Variants in KIRREL3 observed in about 807,000 individuals in gnomAD.
The protein encoded by KIRREL3 is kin of IRRE-like protein 3.
Under a neutral mutation model 89.7 loss-of-function variants are expected in KIRREL3, and 36 were observed. The observed-to-expected ratio is 0.40, with a 90% CI of 0.31 to 0.53. The LOEUF is 0.53. Among genes scored for constraint, KIRREL3 ranks in the 20% least tolerant of loss-of-function variants. KIRREL3 has a pLI of 0.49. For missense variants in KIRREL3, 864 were observed against 1,056.6 expected (o/e 0.82, Z 2.53); for synonymous variants, 445 against 441.4 (o/e 1.01, Z -0.10).
rs55768476 is a variant in KIRREL3 at position 126,605,714 on chromosome 11, G to A, written c.56-42802C>T. 0.029 allele frequency among the ~76,000 whole-genome samples: 4,480 copies of A among 152,294 alleles called. 236 individuals are homozygous for A. The highest frequency in any genetic ancestry group is 0.1 in the African/African-American group (4,201 of 41,526). On this transcript the variant is annotated intron_variant, in intron 1 of 16. Coordinates refer to ENST00000525144, the MANE Select transcript of KIRREL3 (RefSeq NM_032531.4). The surrounding 1 kb of genome is among the most constrained non-coding windows in gnomAD (Gnocchi z 5.7). ...CGTCATGCTGGGCCTGGAGCTGTGC[G>A]TCCCGCCTGAGTTGAGTAGGGATGC...
At chr11:126,718,928 G>A (rs79931346) in intron 1 of KIRREL3, among the ~76,000 whole-genome samples, 2,176 of 152,228 alleles carry the variant, frequency 0.014, 51 homozygotes, top group African/African-American at 0.047. Flanking sequence ...ACTCAAGGGC[G>A]TTGATAGAAA....
intron 1 of KIRREL3, among the ~76,000 whole-genome samples, chr11:126,888,779 A>G (rs1217691516): frequency 6.6e-6 from 1 of 152,188 alleles, no homozygotes; most frequent in Non-Finnish European, 1.5e-5. Flanking sequence ...CAGGCCCTAG[A>G]GCAGTAGCAC....
intron 1 of KIRREL3, among the ~76,000 whole-genome samples, chr11:126,577,984 G>A (rs929478183): frequency 6.6e-6 from 1 of 152,094 alleles, no homozygotes; most frequent in Admixed American, 6.5e-5. Flanking sequence ...CCCTTGGATC[G>A]TTCTAAAGAC....
At chr11:126,902,392 A>G (rs1207778545) in intron 1 of KIRREL3, among the ~76,000 whole-genome samples, 1 of 152,210 alleles carries the variant, frequency 6.6e-6, no homozygotes, top group Non-Finnish European at 1.5e-5. Context: ...GAATTAATCT[A>G]TTTGAAATAT....
intron 1 of KIRREL3, among the ~76,000 whole-genome samples, chr11:126,671,555 T>C (rs1273160265): frequency 6.6e-6 from 1 of 151,442 alleles, no homozygotes; most frequent in Admixed American, 6.5e-5. Context: ...GCATCTAAAA[T>C]ATACCAAGAA....
chr11:126,756,961 A>T (rs1051017513), intron 1 of KIRREL3, among the ~76,000 whole-genome samples: 2 of 152,206 alleles, frequency 1.3e-5, no homozygotes, highest in Non-Finnish European at 2.9e-5. Context: ...AGACATATCC[A>T]CCAAGACTCA....
At position 126,991,311 on chromosome 11, in the gene KIRREL3, G is replaced by T. The variant is rs574172478; in HGVS notation, c.55+9144C>A. Among the ~76,000 whole-genome samples, 1 of 152,208 alleles carries T rather than the reference G, an allele frequency of 6.6e-6. No homozygotes were observed. The highest frequency in any genetic ancestry group is 1.9e-4 in the East Asian group (1 of 5,172). ...TGTGCTGATATTACAAGCACTGCTG[G>T]CTTCTCCTCTCATTACCCCTCATTC... is the stretch of plus-strand genomic sequence containing the variant. On this transcript the variant is annotated intron_variant, in intron 1 of 16. Transcript: ENST00000525144. This position sits in a 1 kb window ranked among gnomAD's most constrained non-coding sequence, Gnocchi z 5.8.
rs76331386 is a variant in KIRREL3 at position 126,989,900 on chromosome 11, G to A, written c.55+10555C>T. Among the ~76,000 whole-genome samples the A allele has an allele frequency of 0.078, 11,912 of 152,276 alleles. 462 individuals carry two copies. The highest frequency in any genetic ancestry group is 0.11 in the Middle Eastern group (31 of 294). On this transcript the variant is annotated intron_variant, in intron 1 of 16. Coordinates refer to ENST00000525144, the MANE Select transcript of KIRREL3 (RefSeq NM_032531.4). This position sits in a 1 kb window ranked among gnomAD's most constrained non-coding sequence, Gnocchi z 6.2. ...TTGGAAATTAGTAATACCATCCAGA[G>A]GTGAAAACAGAGTAGCACCTCCACA...
At chr11:126,865,512 C>A (rs532133669) in intron 1 of KIRREL3, among the ~76,000 whole-genome samples, 26 of 152,360 alleles carry the variant, frequency 1.7e-4, no homozygotes, top group Non-Finnish European at 3.2e-4. Flanking sequence ...TGCAGGGCCA[C>A]CACAGCAGAA....
chr11:126,675,177 T>C (rs931819828), intron 1 of KIRREL3, among the ~76,000 whole-genome samples: 4 of 152,232 alleles, frequency 2.6e-5, no homozygotes, highest in African/African-American at 9.6e-5. Context: ...ATCCTGGCAT[T>C]GGAGCCTTTA....
rs557601821 is a variant in KIRREL3 at position 126,501,286 on chromosome 11, C to T, written c.433+20029G>A. ...AGCCTGGCTCTGGCCCTAGCTTGAA[C>T]GCCTCGGTTGTAGTTCTAAAGCCTA... On this transcript the variant is annotated intron_variant, in intron 4 of 16. Coordinates refer to ENST00000525144, the MANE Select transcript of KIRREL3 (RefSeq NM_032531.4). The surrounding 1 kb of genome is among the most constrained non-coding windows in gnomAD (Gnocchi z 5.8). Among the ~76,000 whole-genome samples, 14 of 152,332 alleles carry T rather than the reference C, an allele frequency of 9.2e-5. No individual in the cohort carries two copies. In the East Asian group the frequency reaches 1.2e-3, roughly 13 times the overall value.
intron 6 of KIRREL3, among the ~76,000 whole-genome samples, chr11:126,458,548 G>A (rs116556121): frequency 0.015 from 2,290 of 152,326 alleles, 49 homozygotes; most frequent in African/African-American, 0.049. Flanking sequence ...TGCCAGGCAC[G>A]GGAGCTGGCC....
chr11:126,437,871 TAC>T (rs762718319), intron 11 of KIRREL3, among the ~76,000 whole-genome samples: 1 of 151,976 alleles, frequency 6.6e-6, no homozygotes, highest in Non-Finnish European at 1.5e-5. Flanking sequence ...TACTTACAGG[TAC>T]ACACACTATG....
At chr11:126,875,064 C>G (rs1466811111) in intron 1 of KIRREL3, among the ~76,000 whole-genome samples, 1 of 152,130 alleles carries the variant, frequency 6.6e-6, no homozygotes, top group Non-Finnish European at 1.5e-5. Context: ...GTCTGGGCCC[C>G]AATCCATTAC....
At position 126,977,211 on chromosome 11, in the gene KIRREL3, C is replaced by T. The variant is rs1292511111; in HGVS notation, c.55+23244G>A. Among the ~76,000 whole-genome samples the T allele has an allele frequency of 6.6e-6, 1 of 152,080 alleles. No individual in the cohort carries two copies. Among genetic ancestry groups the T allele is most frequent in the Non-Finnish European group, 1.5e-5 (1 of 68,016 alleles). ...TTTGTCCTCTTCTTCTGCCAGGTGC[C>T]CCGCCTGCCATCTTTTGTACCTTTT... On this transcript the variant is annotated intron_variant, in intron 1 of 16. Transcript: ENST00000525144. The surrounding 1 kb of genome is among the most constrained non-coding windows in gnomAD (Gnocchi z 4.7).
chr11:126,691,216 C>T (rs540336156), intron 1 of KIRREL3, among the ~76,000 whole-genome samples: 2 of 152,232 alleles, frequency 1.3e-5, no homozygotes, highest in African/African-American at 2.4e-5. Flanking sequence ...ATTGTACAGC[C>T]ACTTTGTCAT....
Position 126,563,110 on chromosome 11 carries a change from C to G in KIRREL3, c.56-198G>C, listed in dbSNP as rs1000154490. Among the ~76,000 whole-genome samples, 8 of 152,162 alleles carry G rather than the reference C, an allele frequency of 5.3e-5. No homozygotes were observed. Among genetic ancestry groups the G allele is most frequent in the African/African-American group, 1.9e-4 (8 of 41,422 alleles). ...TCTTCATTTTGATTCTCATAACAAC[C>G]CTGTGAAGGATGTTTCCCCATTTTC... is the stretch of plus-strand genomic sequence containing the variant. On this transcript the variant is annotated intron_variant, in intron 1 of 16. Coordinates refer to ENST00000525144, the MANE Select transcript of KIRREL3 (RefSeq NM_032531.4). This position sits in a 1 kb window ranked among gnomAD's most constrained non-coding sequence, Gnocchi z 6.8.
rs1945549361 is a variant in KIRREL3, at chr11:126,664,250, T to A, written c.56-101338A>T. Among the ~76,000 whole-genome samples, 1 of 147,562 alleles carries A rather than the reference T, an allele frequency of 6.8e-6. No homozygotes were observed. The highest frequency in any genetic ancestry group is 1.5e-5 in the Non-Finnish European group (1 of 66,774). On this transcript the variant is annotated intron_variant, in intron 1 of 16. Coordinates refer to ENST00000525144, the MANE Select transcript of KIRREL3 (RefSeq NM_032531.4). This position sits in a 1 kb window ranked among gnomAD's most constrained non-coding sequence, Gnocchi z 5.4. ...GGGCCATTAGCATTTTTTTTTTTTTTACCATCATTATGATCATCAACCCAG... is the reference window on the plus strand; with the variant it reads ...GGGCCATTAGCATTTTTTTTTTTTTAACCATCATTATGATCATCAACCCAG...
At chr11:126,961,069 C>G (rs7107346) in intron 1 of KIRREL3, among the ~76,000 whole-genome samples, 2 of 152,120 alleles carry the variant, frequency 1.3e-5, no homozygotes, top group East Asian at 3.9e-4. Flanking sequence ...TGACTGCTCC[C>G]TCAACCAGCC....
Sources: allele counts gnomAD v4.1 joint callset (sites outside exome capture counted in the v4.1 genomes callset), GRCh38; gene constraint gnomAD v4.1.1; non-coding constraint Gnocchi (gnomAD v3.1); transcripts MANE v1.5; gene names NCBI Gene and HGNC (gene_info 2026-07-23, HGNC 2026-07-21).